The following TXNRD1 variants were observed in gnomAD, a reference collection of about 807,000 sequenced individuals.
TXNRD1 encodes the protein thioredoxin reductase 1.
In TXNRD1, 57 loss-of-function variants were observed where a neutral mutation model predicts 80.3. That is an observed-to-expected ratio of 0.71 (90% CI 0.57 to 0.89). The LOEUF (loss-of-function observed/expected upper bound fraction) is 0.89. Among genes scored for constraint, TXNRD1 ranks in the 40% least tolerant of loss-of-function variants. TXNRD1 has a pLI of 0.00. For synonymous variants in TXNRD1, 291 were observed against 285.2 expected (o/e 1.02, Z -0.20); for missense variants, 730 against 803.0 (o/e 0.91, Z 1.10).
intron 3 of TXNRD1, among the ~76,000 whole-genome samples, chr12:104,275,466 C>T (rs1280823339): frequency 1.3e-5 from 2 of 151,760 alleles, no homozygotes; most frequent in Non-Finnish European, 2.9e-5. Flanking sequence ...TCACTGCAAC[C>T]TCTGCCTCCC....
intron 16 of TXNRD1, chr12:104,345,948 A>T (rs1388148108): frequency 2.4e-5 from 31 of 1,287,806 alleles, no homozygotes; most frequent in Admixed American, 9.2e-5. Context: ...CTCATTTTTT[A>T]AAAATACATG....
At chr12:104,236,782 TGTCTC>T in intron 1 of TXNRD1, among the ~76,000 whole-genome samples, 1 of 79,544 alleles carries the variant, frequency 1.3e-5, no homozygotes. Flanking sequence ...GAGTGAAAAC[TGTCTC>T]AAAAAAAAAA....
At chr12:104,288,538 A>G (rs1210657982) in intron 3 of TXNRD1, among the ~76,000 whole-genome samples, 1 of 152,238 alleles carries the variant, frequency 6.6e-6, no homozygotes, top group Non-Finnish European at 1.5e-5. Context: ...AGCAAGATCA[A>G]ACTGGGAGGT....
At chr12:104,224,927 G>T (rs1293101512) in intron 1 of TXNRD1, 2 of 456,634 alleles carry the variant, frequency 4.4e-6, no homozygotes, top group South Asian at 1.5e-5. Flanking sequence ...TTATGAGGGT[G>T]AGAGAATGCA....
chr12:104,309,676 G>T, intron 4 of TXNRD1: 1 of 996,824 alleles, frequency 1.0e-6, no homozygotes, highest in East Asian at 3.0e-5. Flanking sequence ...TTGAGACCCA[G>T]TAGGGAGTCA....
At chr12:104,336,982 AGGT>A (rs2036160653) in intron 15 of TXNRD1, among the ~76,000 whole-genome samples, 1 of 148,448 alleles carries the variant, frequency 6.7e-6, no homozygotes. Context: ...TCACTTCAAA[AGGT>A]AAAACTTTGA....
chr12:104,349,539 T>C lies in TXNRD1; in HGVS notation c.*1118T>C, dbSNP rs2036585400. On this transcript the variant is annotated 3_prime_UTR_variant, in exon 17 of 17. Transcript: ENST00000525566. ...TTAAAAACCAAGTGGTTTTGACTTT[T>C]TCTGTTGAATGAACAACTGTGCCTT... 1 of 152,698 alleles carries C rather than the reference T, an allele frequency of 6.5e-6. No individual in the cohort carries two copies. Among genetic ancestry groups the C allele is most frequent in the Non-Finnish European group, 1.5e-5 (1 of 68,050 alleles). 9.5% of individuals were successfully genotyped at this position (152,698 alleles called of 1,614,324 possible). A position where few individuals can be genotyped will look rare whatever the true frequency, so the allele number is the denominator to read the frequency against.
At chr12:104,217,741 C>A (rs1183374973) in intron 1 of TXNRD1, among the ~76,000 whole-genome samples, 1 of 152,142 alleles carries the variant, frequency 6.6e-6, no homozygotes, top group African/African-American at 2.4e-5. Context: ...TTTTCATTTG[C>A]CGTTTCCCCC....
intron 1 of TXNRD1, among the ~76,000 whole-genome samples, chr12:104,242,285 C>T (rs1272616229): frequency 6.6e-6 from 1 of 151,418 alleles, no homozygotes; most frequent in Non-Finnish European, 1.5e-5. Context: ...TGCGGCGGCT[C>T]ACGCCTGTAA....
intron 1 of TXNRD1, among the ~76,000 whole-genome samples, chr12:104,222,858 A>G (rs1489378137): frequency 1.3e-5 from 2 of 152,178 alleles, no homozygotes; most frequent in Non-Finnish European, 2.9e-5. Context: ...CTCAAAAAAC[A>G]AACAAACAAA....
At chr12:104,337,502 CA>C (rs2036179222) in intron 15 of TXNRD1, among the ~76,000 whole-genome samples, 1 of 151,920 alleles carries the variant, frequency 6.6e-6, no homozygotes, top group Non-Finnish European at 1.5e-5. Context: ...CAAATTTATC[CA>C]AAATAATTTC....
At chr12:104,231,546 C>G (rs1263144692) in intron 1 of TXNRD1, among the ~76,000 whole-genome samples, 1 of 152,158 alleles carries the variant, frequency 6.6e-6, no homozygotes, top group Non-Finnish European at 1.5e-5. Context: ...GGATTGTAGC[C>G]ACCCGGGGCT....
intron 10 of TXNRD1, among the ~76,000 whole-genome samples, chr12:104,323,993 T>A (rs1163576451): frequency 6.6e-6 from 1 of 152,168 alleles, no homozygotes; most frequent in East Asian, 1.9e-4. Context: ...GGAAGGAACC[T>A]TCTGTGGAGA....
Position 104,258,031 on chromosome 12 carries a change from T to C in TXNRD1, c.256T>C (p.Phe86Leu). 1.3e-6 allele frequency: 2 copies of C among 1,550,768 alleles called. No individual in the cohort carries two copies. The highest frequency in any genetic ancestry group is 8.7e-7 in the Non-Finnish European group (1 of 1,146,860). The change falls in exon 3 of 17, where the codon TTT becomes CTT. Residue 86 changes from phenylalanine (F) to leucine (L), a missense_variant. Phe to Leu is a conservative substitution (Grantham distance 22, BLOSUM62 0). Coordinates refer to ENST00000525566, the MANE Select transcript of TXNRD1 (RefSeq NM_001093771.3). ...CAACTTCTTCCAGGTAAAGAAGTTA[T>C]TTAAATCTCTGTGTGTTCCTTATTT... ...CTRCTEVKKL[F>L]KSLCVPYFVL... is the part of the protein sequence containing the mutation.
rs912459916 is a variant in TXNRD1, at chr12:104,349,319, G to A, written c.*898G>A. 3 of 152,174 alleles carry A rather than the reference G, an allele frequency of 2.0e-5. No individual in the cohort carries two copies. The highest frequency in any genetic ancestry group is 7.2e-5 in the African/African-American group (3 of 41,390). The allele number at this position is 152,174 out of a possible 1,614,324, so 9.4% of individuals were successfully genotyped here. Reference sequence around the variant, plus strand: ...ACGTAACTTGTTTAAAAGTTTTTCTGGTAGCTTTAGCTTTATGCTAAAAAA... The same window carrying A: ...ACGTAACTTGTTTAAAAGTTTTTCTAGTAGCTTTAGCTTTATGCTAAAAAA... On this transcript the variant is annotated 3_prime_UTR_variant, in exon 17 of 17. Coordinates refer to ENST00000525566, the MANE Select transcript of TXNRD1 (RefSeq NM_001093771.3).
chr12:104,337,413 C>T (rs367920963), intron 15 of TXNRD1, among the ~76,000 whole-genome samples: 21 of 152,140 alleles, frequency 1.4e-4, no homozygotes, highest in African/African-American at 3.6e-4. Flanking sequence ...TCAGAGTCTG[C>T]GCTGAAAATC....
At chr12:104,295,899 C>T (rs75155153) in intron 4 of TXNRD1, among the ~76,000 whole-genome samples, 2,947 of 152,244 alleles carry the variant, frequency 0.019, 91 homozygotes, top group African/African-American at 0.066. Context: ...AGCAAATATG[C>T]CTGTTAATGA....
chr12:104,233,468 A>T (rs1286865245), intron 1 of TXNRD1, among the ~76,000 whole-genome samples: 1 of 152,084 alleles, frequency 6.6e-6, no homozygotes, highest in South Asian at 2.1e-4. Context: ...CAAATTCTAG[A>T]GGAACCAGAC....
intron 3 of TXNRD1, among the ~76,000 whole-genome samples, chr12:104,258,745 G>A (rs962476240): frequency 3.9e-5 from 6 of 152,152 alleles, no homozygotes; most frequent in African/African-American, 1.4e-4. Flanking sequence ...GGGCAAGAGT[G>A]AGAGCTTGTC....
Sources: gnomAD v4.1 joint callset for allele counts (sites outside exome capture counted in the v4.1 genomes callset) on GRCh38, gnomAD v4.1.1 for gene constraint, MANE v1.5 for transcripts, NCBI Gene and HGNC (gene_info 2026-07-23, HGNC 2026-07-21) for gene names.